Variants in SLC9A1 observed in about 807,000 individuals in gnomAD.
SLC9A1 encodes solute carrier family 9 member A1, also known as sodium/hydrogen exchanger 1.
SLC9A1 carries 22 observed loss-of-function variants against 67.9 expected under a neutral mutation model. The observed-to-expected ratio is 0.32, with a 90% CI of 0.23 to 0.46. The LOEUF (loss-of-function observed/expected upper bound fraction) is 0.46, where lower values mean the gene tolerates loss of function less well. Ranked by LOEUF, SLC9A1 falls within the 20% of genes least tolerant of loss-of-function variation. SLC9A1 has a pLI of 1.00. For missense variants in SLC9A1, 686 were observed against 1,094.8 expected, an observed-to-expected ratio of 0.63 and a Z score of 5.27; for synonymous variants, 421 against 471.8, an observed-to-expected ratio of 0.89 and a Z score of 1.40.
At chr1:27,153,280 C>T (rs1557439804) in intron 1 of SLC9A1, among the ~76,000 whole-genome samples, 1 of 152,122 alleles carries the variant, frequency 6.6e-6, no homozygotes, top group African/African-American at 2.4e-5. Flanking sequence ...CCTCTACTCT[C>T]CCTCCACTTC....
In SLC9A1 at chr1:27,100,751, C is replaced by A. The variant is rs1475688196; in HGVS notation, c.2111-107G>T. 1 of 865,150 alleles carries A rather than the reference C, an allele frequency of 1.2e-6. No homozygotes were observed. The highest frequency in any genetic ancestry group is 1.8e-6 in the Non-Finnish European group (1 of 553,376). The allele number at this position is 865,150 out of a possible 1,614,324, so 53.6% of individuals were successfully genotyped here. A position where few individuals can be genotyped will look rare whatever the true frequency, so the allele number is the denominator to read the frequency against. ...CCTTCAGGCCTTCTCATGAGCACAG[C>A]CGTCCCGGTCCCAACAGGCCTCAGA... On this transcript the variant is annotated intron_variant, in intron 11 of 11. Coordinates refer to ENST00000263980, the MANE Select transcript of SLC9A1 (RefSeq NM_003047.5). The surrounding 1 kb of genome is among the most constrained non-coding windows in gnomAD (Gnocchi z 5.6).
intron 1 of SLC9A1, among the ~76,000 whole-genome samples, chr1:27,142,466 G>C (rs965124300): frequency 2.0e-4 from 30 of 152,332 alleles, no homozygotes; most frequent in African/African-American, 5.5e-4. Flanking sequence ...ACAGAGAACA[G>C]GGACCTTCAG....
Position 27,099,254 on chromosome 1 carries a change from A to AGC in SLC9A1, c.*1052_*1053insGC, listed in dbSNP as rs1209263229. 1.3e-5 allele frequency: 2 copies of AGC among 153,348 alleles called. No individual in the cohort carries two copies. The highest frequency in any genetic ancestry group is 4.8e-5 in the African/African-American group (2 of 41,480). The allele number at this position is 153,348 out of a possible 1,614,324, so 9.5% of individuals were successfully genotyped here. A position where few individuals can be genotyped will look rare whatever the true frequency, so the allele number is the denominator to read the frequency against. On this transcript the variant is annotated 3_prime_UTR_variant, in exon 12 of 12. Transcript: ENST00000263980. ...GGCCAAACCCAGGGTGGGGGAAGTA[A>AGC]GAGCAGGCCAGCAGGACTGGAGGTC...
intron 1 of SLC9A1, among the ~76,000 whole-genome samples, chr1:27,145,601 T>A (rs1180585868): frequency 2.6e-5 from 4 of 152,248 alleles, no homozygotes; most frequent in African/African-American, 9.6e-5. Context: ...TCAAACAGGC[T>A]CAGCACTGTG....
chr1:27,122,902 G>C (rs2083314887), intron 1 of SLC9A1, among the ~76,000 whole-genome samples: 1 of 152,096 alleles, frequency 6.6e-6, no homozygotes, highest in South Asian at 2.1e-4. Context: ...AGCCCGTGTT[G>C]TGTTGACAAG....
intron 1 of SLC9A1, among the ~76,000 whole-genome samples, chr1:27,136,518 C>T (rs746529230): frequency 1.9e-4 from 27 of 140,860 alleles, no homozygotes; most frequent in Middle Eastern, 7.1e-3. Flanking sequence ...TCTCCTCAAC[C>T]GAGGATAAGA....
At position 27,099,402 on chromosome 1, in the gene SLC9A1, CAG is replaced by C. The variant is rs1054950594; in HGVS notation, c.*903_*904del. The C allele has an allele frequency of 1.3e-5, 2 of 152,950 alleles. No individual in the cohort carries two copies. Among genetic ancestry groups the C allele is most frequent in the African/African-American group, 4.8e-5 (2 of 41,432 alleles). The allele number at this position is 152,950 out of a possible 1,614,324, so 9.5% of individuals were successfully genotyped here. On this transcript the variant is annotated 3_prime_UTR_variant, in exon 12 of 12. Coordinates refer to ENST00000263980, the MANE Select transcript of SLC9A1 (RefSeq NM_003047.5). ...GAGCAACAGTTAAGAGCCCAGCAGGCAGAGAGACGTGGGGGAGGGGTTGGACA... is the reference window on the plus strand; with the variant it reads ...GAGCAACAGTTAAGAGCCCAGCAGGCAGAGACGTGGGGGAGGGGTTGGACA...
intron 1 of SLC9A1, among the ~76,000 whole-genome samples, chr1:27,115,946 TGCTC>T (rs1431033605): frequency 6.6e-6 from 1 of 152,164 alleles, no homozygotes; most frequent in Admixed American, 6.5e-5. Context: ...GCCAGGCCTC[TGCTC>T]TCATTACTTA....
chr1:27,104,060 G>A (rs1009292115), intron 5 of SLC9A1: 1 of 151,136 alleles, frequency 6.6e-6, no homozygotes, highest in Non-Finnish European at 1.5e-5. Context: ...GAGGACAAAA[G>A]TGGCAGCCTC....
chr1:27,153,115 C>T (rs2083540982), intron 1 of SLC9A1, among the ~76,000 whole-genome samples: 2 of 152,090 alleles, frequency 1.3e-5, no homozygotes, highest in South Asian at 2.1e-4. Flanking sequence ...TTTCCTTCTC[C>T]CCAAAAGAAG....
At position 27,106,697 on chromosome 1, in the gene SLC9A1, C is replaced by A. The variant is rs960748255; in HGVS notation, c.1283-610G>T. ...GCATGTGGGGCACATGTGAGTGGAA[C>A]CCATGCACCTGGGGCCTGGTCCCCA... is the stretch of plus-strand genomic sequence containing the variant. On this transcript the variant is annotated intron_variant, in intron 4 of 11. Coordinates refer to ENST00000263980, the MANE Select transcript of SLC9A1 (RefSeq NM_003047.5). The surrounding 1 kb of genome is among the most constrained non-coding windows in gnomAD (Gnocchi z 4.3). Among the ~76,000 whole-genome samples the A allele has an allele frequency of 6.6e-6, 1 of 151,996 alleles. No homozygotes were observed. Among genetic ancestry groups the A allele is most frequent in the Non-Finnish European group, 1.5e-5 (1 of 67,976 alleles).
rs529127469 is a variant in SLC9A1, at chr1:27,101,385, TC to T, written c.2038-111del. 9.9e-4 allele frequency: 807 copies of T among 813,736 alleles called. 15 individuals are homozygous for T. The South Asian group carries it at 0.012, about 12-fold the overall frequency. The allele number at this position is 813,736 out of a possible 1,614,324, so 50.4% of individuals were successfully genotyped here. ...CCTTTCGTATATGCAGGGCGCTTGC[TC>T]CCCCTCCCTTGTGCCTGTGTGGGCA... On this transcript the variant is annotated intron_variant, in intron 10 of 11. Transcript: ENST00000263980. The surrounding 1 kb of genome is among the most constrained non-coding windows in gnomAD (Gnocchi z 4.9).
intron 1 of SLC9A1, among the ~76,000 whole-genome samples, chr1:27,120,595 A>C (rs1390386864): frequency 6.6e-6 from 1 of 151,886 alleles, no homozygotes; most frequent in Non-Finnish European, 1.5e-5. Context: ...AAAATTAGCC[A>C]GGTGTGGTGG....
At chr1:27,133,224 C>A (rs527727418) in intron 1 of SLC9A1, among the ~76,000 whole-genome samples, 5 of 152,136 alleles carry the variant, frequency 3.3e-5, no homozygotes, top group Non-Finnish European at 7.4e-5. Context: ...TGCACCACCA[C>A]GCCCGGCTAA....
Position 27,120,843 on chromosome 1 carries a change from T to G in SLC9A1, c.353-6557A>C, listed in dbSNP as rs556861824. Among the ~76,000 whole-genome samples, 4 of 152,242 alleles carry G rather than the reference T, an allele frequency of 2.6e-5. No individual in the cohort carries two copies. In the East Asian group the frequency reaches 7.7e-4, roughly 29 times the overall value. On this transcript the variant is annotated intron_variant, in intron 1 of 11. Transcript: ENST00000263980. The stretch of plus-strand genomic sequence containing the variant: ...GGGCTTATACACACCCCCTCTCATT[T>G]CATCTCACATCCTGACCCCCAATTT...
rs2083557221 is a variant in SLC9A1, at chr1:27,155,031, C to T, written c.-697G>A. 2 of 152,468 alleles carry T rather than the reference C, an allele frequency of 1.3e-5. No individual in the cohort carries two copies. Among genetic ancestry groups the T allele is most frequent in the African/African-American group, 4.8e-5 (2 of 41,426 alleles). 9.4% of individuals were successfully genotyped at this position (152,468 alleles called of 1,614,324 possible). On this transcript the variant is annotated 5_prime_UTR_variant, in exon 1 of 12. Coordinates refer to ENST00000263980, the MANE Select transcript of SLC9A1 (RefSeq NM_003047.5). The surrounding 1 kb of genome is among the most constrained non-coding windows in gnomAD (Gnocchi z 4.5). ...CAGCAACACGCCCCTCCTCGCGGCCCTGGCGCGACGCGGCGCTCCGCCCCG... is the reference window on the plus strand; with the variant it reads ...CAGCAACACGCCCCTCCTCGCGGCCTTGGCGCGACGCGGCGCTCCGCCCCG...
chr1:27,109,635 G>A lies in SLC9A1; in HGVS notation c.956C>T (p.Thr319Ile). 1 of 1,613,890 alleles carries A rather than the reference G, an allele frequency of 6.2e-7. No individual in the cohort carries two copies. Among genetic ancestry groups the A allele is most frequent in the Non-Finnish European group, 8.5e-7 (1 of 1,179,974 alleles). Residue 319 changes from threonine (T) to isoleucine (I), a missense_variant, in exon 3 of 12, where the codon ACC becomes ATC. By Grantham distance (89) the Thr-to-Ile change is moderately conservative (BLOSUM62 -1). Transcript: ENST00000263980. This position sits in a 1 kb window ranked among gnomAD's most constrained non-coding sequence, Gnocchi z 5.5. ...CCGGATGTGGGAGGTAAATCGGGAG[G>A]TGAAGGCTGCGATGACCCCGTAGAC... ...GVVYGVIAAF[T>I]SRFTSHIRVI...
intron 1 of SLC9A1, among the ~76,000 whole-genome samples, chr1:27,127,125 C>A (rs2083350506): frequency 6.6e-6 from 1 of 152,158 alleles, no homozygotes; most frequent in African/African-American, 2.4e-5. Flanking sequence ...CTCAGCCCCC[C>A]ATGTAACTGG....
intron 1 of SLC9A1, among the ~76,000 whole-genome samples, chr1:27,142,655 C>A (rs919253103): frequency 1.2e-4 from 18 of 152,212 alleles, no homozygotes; most frequent in African/African-American, 4.3e-4. Context: ...GCCTGAGTCA[C>A]CTACTGTGTG....
Sources: allele counts gnomAD v4.1 joint callset (sites outside exome capture counted in the v4.1 genomes callset), GRCh38; gene constraint gnomAD v4.1.1; non-coding constraint Gnocchi (gnomAD v3.1); transcripts MANE v1.5; gene names NCBI Gene and HGNC (gene_info 2026-07-23, HGNC 2026-07-21).